Variants in ASIC2 observed in about 807,000 individuals in gnomAD.
The protein encoded by ASIC2 is acid sensing ion channel subunit 2.
ASIC2 carries 25 observed loss-of-function variants against 57.3 expected under a neutral mutation model. The ratio of observed to expected loss-of-function variants is 0.44; its 90% CI spans 0.32 to 0.61. The LOEUF is 0.61. Ranked by LOEUF, ASIC2 falls within the 20% of genes least tolerant of loss-of-function variation. ASIC2 has a pLI of 0.06. For synonymous variants in ASIC2, 319 were observed against 307.5 expected (o/e 1.04, Z -0.39); for missense variants, 641 against 738.1 (o/e 0.87, Z 1.52).
chr17:33,041,292 A>G (rs909293565), intron 3 of ASIC2, among the ~76,000 whole-genome samples: 4 of 152,230 alleles, frequency 2.6e-5, no homozygotes, highest in Admixed American at 6.5e-5. Context: ...TGCACCTTGC[A>G]CAGTGTTTAC....
intron 1 of ASIC2, among the ~76,000 whole-genome samples, chr17:33,499,153 G>C (rs763934767): frequency 2.1e-4 from 32 of 152,160 alleles, no homozygotes; most frequent in Non-Finnish European, 3.7e-4. Context: ...GATTGAAGTG[G>C]GGGTGTCTAC....
intron 3 of ASIC2, among the ~76,000 whole-genome samples, chr17:33,058,035 A>G (rs2092004812): frequency 6.6e-6 from 1 of 152,028 alleles, no homozygotes; most frequent in African/African-American, 2.4e-5. Context: ...TTTTCAGGGA[A>G]CTACATATTA....
At chr17:33,982,653 T>C (rs1471536775) in intron 1 of ASIC2, among the ~76,000 whole-genome samples, 1 of 152,236 alleles carries the variant, frequency 6.6e-6, no homozygotes, top group African/African-American at 2.4e-5. Flanking sequence ...TTTCCTATCA[T>C]GTTGACCTGG....
chr17:33,710,894 T>G (rs1391449256), intron 1 of ASIC2, among the ~76,000 whole-genome samples: 1 of 152,156 alleles, frequency 6.6e-6, no homozygotes, highest in Non-Finnish European at 1.5e-5. Context: ...AAGATGACGC[T>G]ATTTTGTTAA....
At chr17:33,017,046 G>A (rs1341446339) in intron 8 of ASIC2, among the ~76,000 whole-genome samples, 1 of 152,230 alleles carries the variant, frequency 6.6e-6, no homozygotes, top group Non-Finnish European at 1.5e-5. Context: ...TCTTGAGGGA[G>A]ACATTTCCCC....
intron 1 of ASIC2, among the ~76,000 whole-genome samples, chr17:33,667,465 C>A (rs75657064): frequency 0.03 from 4,532 of 152,306 alleles, 242 homozygotes; most frequent in African/African-American, 0.1. Flanking sequence ...CCTTTTCACT[C>A]ATCCTCTTTC....
chr17:33,478,020 T>A (rs557415569), intron 1 of ASIC2, among the ~76,000 whole-genome samples: 4 of 152,216 alleles, frequency 2.6e-5, no homozygotes, highest in African/African-American at 9.6e-5. Flanking sequence ...AAAAAAATGA[T>A]CTTGATGCTT....
At position 33,095,128 on chromosome 17, in the gene ASIC2, C is replaced by A. The variant is rs545942663; in HGVS notation, c.860-6138G>T. On this transcript the variant is annotated intron_variant, in intron 2 of 9. Transcript: ENST00000225823. ...CACAGAGTTTAGCTTAATAACTCAACAATTTGCAGTGTCATCATCACCATC... is the reference window on the plus strand; with the variant it reads ...CACAGAGTTTAGCTTAATAACTCAAAAATTTGCAGTGTCATCATCACCATC... Among the ~76,000 whole-genome samples the A allele has an allele frequency of 2.0e-5, 3 of 152,314 alleles. No individual in the cohort carries two copies. The East Asian group carries it at 5.8e-4, about 29-fold the overall frequency.
At chr17:33,065,369 C>A (rs2092039287) in intron 3 of ASIC2, among the ~76,000 whole-genome samples, 1 of 151,030 alleles carries the variant, frequency 6.6e-6, no homozygotes, top group African/African-American at 2.4e-5. Flanking sequence ...GAATTGGGGT[C>A]TCACTATGAT....
Position 33,291,636 on chromosome 17 carries a change from C to G in ASIC2, c.480G>C (p.Leu160=). ...DLYYAGHWLG[L]LLPNRTARPL... is the part of the protein sequence containing the mutation. ...GGCGCGCGGTGCGGTTGGGCAGCAGCAGCCCGAGCCAGTGGCCGGCATAGT... is the reference window on the plus strand; with the variant it reads ...GGCGCGCGGTGCGGTTGGGCAGCAGGAGCCCGAGCCAGTGGCCGGCATAGT... The change falls in exon 1 of 10, where the codon CTG becomes CTC. Residue 160 remains leucine (L), a synonymous_variant. Coordinates refer to ENST00000225823, the MANE Select transcript of ASIC2 (RefSeq NM_183377.2). 1 of 1,609,458 alleles carries G rather than the reference C, an allele frequency of 6.2e-7. No homozygotes were observed. Among genetic ancestry groups the G allele is most frequent in the Non-Finnish European group, 8.5e-7 (1 of 1,178,180 alleles).
chr17:33,643,277 G>C (rs1906641073), intron 1 of ASIC2, among the ~76,000 whole-genome samples: 1 of 151,910 alleles, frequency 6.6e-6, no homozygotes, highest in Non-Finnish European at 1.5e-5. Flanking sequence ...AATAAATGAT[G>C]ACTGTGATTC....
At chr17:33,978,992 C>T (rs975682001) in intron 1 of ASIC2, among the ~76,000 whole-genome samples, 1 of 152,144 alleles carries the variant, frequency 6.6e-6, no homozygotes, top group Non-Finnish European at 1.5e-5. Context: ...TCCTCGGTGA[C>T]AGATCCAACC....
At chr17:33,648,399 C>T (rs1389702557) in intron 1 of ASIC2, among the ~76,000 whole-genome samples, 1 of 152,232 alleles carries the variant, frequency 6.6e-6, no homozygotes, top group East Asian at 1.9e-4. Flanking sequence ...AAGATGAGCA[C>T]TTCGCATGTT....
intron 1 of ASIC2, among the ~76,000 whole-genome samples, chr17:33,268,954 C>T (rs1007629666): frequency 6.6e-6 from 1 of 152,148 alleles, no homozygotes; most frequent in Admixed American, 6.5e-5. Context: ...AAGTCAACAC[C>T]CCTCCTTGGG....
intron 1 of ASIC2, among the ~76,000 whole-genome samples, chr17:33,487,792 G>A (rs375336347): frequency 1.4e-4 from 21 of 152,270 alleles, no homozygotes; most frequent in Middle Eastern, 3.4e-3. Flanking sequence ...TTTCTACCAC[G>A]CTGGATGCTT....
chr17:33,590,598 C>G (rs1904796040), intron 1 of ASIC2, among the ~76,000 whole-genome samples: 1 of 151,550 alleles, frequency 6.6e-6, no homozygotes, highest in African/African-American at 2.4e-5. Context: ...ATACCACACC[C>G]CAGTCTCTAC....
intron 1 of ASIC2, among the ~76,000 whole-genome samples, chr17:33,667,239 G>A (rs1478089889): frequency 3.3e-5 from 5 of 152,202 alleles, no homozygotes; most frequent in Admixed American, 6.5e-5. Flanking sequence ...ACGCTTAGAC[G>A]CAGGTGTGGT....
At chr17:34,096,439 C>A (rs1910549176) in intron 1 of ASIC2, among the ~76,000 whole-genome samples, 1 of 152,130 alleles carries the variant, frequency 6.6e-6, no homozygotes, top group Admixed American at 6.5e-5. Flanking sequence ...CCAGATCATG[C>A]AGATAATTAT....
chr17:33,288,862 A>G (rs1430303784), intron 1 of ASIC2, among the ~76,000 whole-genome samples: 1 of 152,234 alleles, frequency 6.6e-6, no homozygotes, highest in Non-Finnish European at 1.5e-5. Flanking sequence ...GGTAAGTGGT[A>G]GACTCAGAAT....
Sources: allele counts gnomAD v4.1 joint callset (sites outside exome capture counted in the v4.1 genomes callset), GRCh38; gene constraint gnomAD v4.1.1; transcripts MANE v1.5; gene names NCBI Gene and HGNC (gene_info 2026-07-23, HGNC 2026-07-21).